The following MACROH2A1 variants were observed in gnomAD, a reference collection of about 807,000 sequenced individuals.
MACROH2A1 encodes the protein macroH2A.1 histone, also known as core histone macro-H2A.1.
MACROH2A1 carries 2 observed loss-of-function variants against 31.6 expected under a neutral mutation model. The observed-to-expected ratio is 0.06, with a 90% CI of 0.03 to 0.20. The LOEUF is 0.20. MACROH2A1 is among the 10% of genes least tolerant of loss of function. MACROH2A1 has a pLI of 1.00. For synonymous variants in MACROH2A1, 169 were observed against 189.6 expected (o/e 0.89, Z 0.89); for missense variants, 230 against 474.0 (o/e 0.49, Z 4.78).
chr5:135,381,738 A>G (rs1765681694), intron 2 of MACROH2A1, among the ~76,000 whole-genome samples: 1 of 152,268 alleles, frequency 6.6e-6, no homozygotes, highest in South Asian at 2.1e-4. Flanking sequence ...CAGCTGGAGA[A>G]AGAGTAAACA....
At chr5:135,341,063 A>ATGAAAG (rs1759761139) in intron 8 of MACROH2A1, among the ~76,000 whole-genome samples, 2 of 152,246 alleles carry the variant, frequency 1.3e-5, no homozygotes, top group African/African-American at 4.8e-5. Flanking sequence ...CAATACCCAT[A>ATGAAAG]TGAAAGGTTG....
At chr5:135,392,859 A>G (rs995966901) in intron 1 of MACROH2A1, among the ~76,000 whole-genome samples, 1 of 152,224 alleles carries the variant, frequency 6.6e-6, no homozygotes, top group Non-Finnish European at 1.5e-5. Flanking sequence ...TTATCTTTCA[A>G]GTGGAGATGA....
chr5:135,388,503 ATTTT>A (rs1283883627), intron 2 of MACROH2A1, among the ~76,000 whole-genome samples: 1 of 152,232 alleles, frequency 6.6e-6, no homozygotes, highest in Non-Finnish European at 1.5e-5. Flanking sequence ...GTCATGGAAG[ATTTT>A]TTAAAAGCTG....
chr5:135,373,889 G>A (rs1764509465), intron 2 of MACROH2A1, among the ~76,000 whole-genome samples: 1 of 152,174 alleles, frequency 6.6e-6, no homozygotes. Context: ...AGCTAGTTAA[G>A]CAAGAGCTTT....
At chr5:135,361,091 G>A in intron 4 of MACROH2A1, 1 of 277,806 alleles carries the variant, frequency 3.6e-6, no homozygotes, top group Non-Finnish European at 7.0e-6. Flanking sequence ...CTTCCTTAAA[G>A]CCAGTGTTAG....
At chr5:135,342,846 C>T (rs575130537) in intron 8 of MACROH2A1, among the ~76,000 whole-genome samples, 1 of 152,272 alleles carries the variant, frequency 6.6e-6, no homozygotes, top group East Asian at 1.9e-4. Flanking sequence ...CCAAAGAATA[C>T]TGTGGTTTGG....
chr5:135,348,255 G>GT (rs1297542928), intron 6 of MACROH2A1, among the ~76,000 whole-genome samples: 1 of 152,178 alleles, frequency 6.6e-6, no homozygotes, highest in Non-Finnish European at 1.5e-5. Context: ...CACTCTTATT[G>GT]TAAGACTCTT....
At chr5:135,384,925 A>G (rs1031367050) in intron 2 of MACROH2A1, among the ~76,000 whole-genome samples, 1 of 152,168 alleles carries the variant, frequency 6.6e-6, no homozygotes, top group African/African-American at 2.4e-5. Context: ...CCAGCTCTAG[A>G]ACACAGTGGA....
intron 8 of MACROH2A1, 87 bp from the exon 9 acceptor site, chr5:135,335,228 G>A: frequency 1.0e-6 from 1 of 960,684 alleles, no homozygotes; most frequent in Non-Finnish European, 1.6e-6. Flanking sequence ...CTCCCTCTGT[G>A]CTGCAGCTTG....
intron 2 of MACROH2A1, among the ~76,000 whole-genome samples, chr5:135,376,354 AAAGT>A (rs1764866273): frequency 6.6e-6 from 1 of 152,206 alleles, no homozygotes; most frequent in African/African-American, 2.4e-5. Context: ...GGGAATCTGT[AAAGT>A]AAGTTCCACT....
At chr5:135,389,252 G>C in intron 1 of MACROH2A1, 126 bp from the exon 2 acceptor site, 1 of 547,766 alleles carries the variant, frequency 1.8e-6, no homozygotes, top group Non-Finnish European at 3.0e-6. Flanking sequence ...TAGCTGCAGG[G>C]CCCTCCGGGT....
intron 2 of MACROH2A1, among the ~76,000 whole-genome samples, chr5:135,378,205 T>C (rs1367030323): frequency 6.6e-6 from 1 of 152,244 alleles, no homozygotes; most frequent in Non-Finnish European, 1.5e-5. Context: ...CTCCGACGCC[T>C]GCTGTGGCTC....
chr5:135,392,423 T>C lies in MACROH2A1; in HGVS notation c.-33-3297A>G, dbSNP rs538460691. Among the ~76,000 whole-genome samples, 9 of 152,178 alleles carry C rather than the reference T, an allele frequency of 5.9e-5. 1 individual carries two copies. The South Asian group carries it at 1.7e-3, about 28-fold the overall frequency. ...CAAGTCTGTCTCCCCACCAATGGGG[T>C]TGTCTTGCAGAGATTCTGTACTTTA... On this transcript the variant is annotated intron_variant, in intron 1 of 8. Coordinates refer to ENST00000511689, the MANE Select transcript of MACROH2A1 (RefSeq NM_138610.3).
In MACROH2A1 at chr5:135,360,881, GA is replaced by G. The variant is rs1345486497; in HGVS notation, c.478-275del. On this transcript the variant is annotated intron_variant, in intron 4 of 8. Transcript: ENST00000511689. ...CACTTTACAGTGATCATTTAGAATA[GA>G]ACCATTTTCATAAATTCAGACCAAG... is the stretch of plus-strand genomic sequence containing the variant. 4 of 590,182 alleles carry G rather than the reference GA, an allele frequency of 6.8e-6. No homozygotes were observed. The Admixed American group carries it at 1.0e-4, about 15-fold the overall frequency. The allele number at this position is 590,182 out of a possible 1,614,324, so 36.6% of individuals were successfully genotyped here. A position where few individuals can be genotyped will look rare whatever the true frequency, so the allele number is the denominator to read the frequency against.
At chr5:135,343,184 G>A (rs566803348) in intron 8 of MACROH2A1, 76 bp downstream of exon 8, 4 of 1,604,298 alleles carry the variant, frequency 2.5e-6, no homozygotes, top group Non-Finnish European at 1.7e-6. Context: ...CACAGAGTGA[G>A]AGCACCACAA....
chr5:135,346,253 T>C (rs1760820290), intron 6 of MACROH2A1, 196 bp from the exon 7 acceptor site: 3 of 578,564 alleles, frequency 5.2e-6, no homozygotes, highest in Non-Finnish European at 9.4e-6. Context: ...TACCCTCAAA[T>C]TGCTGCTTCA....
intron 2 of MACROH2A1, among the ~76,000 whole-genome samples, chr5:135,380,294 G>T (rs1365576355): frequency 1.3e-5 from 2 of 152,160 alleles, no homozygotes; most frequent in Non-Finnish European, 2.9e-5. Context: ...GCACGTCATA[G>T]GTACCCTACA....
intron 1 of MACROH2A1, among the ~76,000 whole-genome samples, chr5:135,391,223 A>G (rs7712765): frequency 0.026 from 3,997 of 152,224 alleles, 172 homozygotes; most frequent in African/African-American, 0.092. Context: ...CTTTACTACA[A>G]ATGTGTTTCA....
At chr5:135,339,807 C>T (rs966807506) in intron 8 of MACROH2A1, among the ~76,000 whole-genome samples, 12 of 152,172 alleles carry the variant, frequency 7.9e-5, no homozygotes, top group African/African-American at 2.4e-4. Flanking sequence ...CATTCAGAAG[C>T]GATGGTGATG....
Sources: gnomAD v4.1 joint callset for allele counts (sites outside exome capture counted in the v4.1 genomes callset) on GRCh38, gnomAD v4.1.1 for gene constraint, MANE v1.5 for transcripts, NCBI Gene and HGNC (gene_info 2026-07-23, HGNC 2026-07-21) for gene names.